The following COG5 variants were observed in gnomAD, a reference collection of about 807,000 sequenced individuals.
COG5 encodes conserved oligomeric Golgi complex subunit 5.
COG5 carries 86 observed loss-of-function variants against 110.4 expected under a neutral mutation model. That is an observed-to-expected ratio of 0.78 (90% CI 0.65 to 0.93). COG5 has a LOEUF of 0.93. Ranked by LOEUF, COG5 falls within the 40% of genes least tolerant of loss-of-function variation. The pLI, the probability that COG5 is intolerant of heterozygous loss-of-function variation, is 0.00. For missense variants in COG5, 1,077 were observed against 987.0 expected (o/e 1.09, Z -1.22); for synonymous variants, 360 against 334.6 (o/e 1.08, Z -0.83).
At chr7:107,342,760 T>C (rs564062808) in intron 10 of COG5, among the ~76,000 whole-genome samples, 51 of 152,286 alleles carry the variant, frequency 3.3e-4, no homozygotes, top group African/African-American at 1.2e-3. Flanking sequence ...TGTTTATACG[T>C]TGCTTCTGGC....
chr7:107,549,554 G>T (rs1477277490), intron 3 of COG5, among the ~76,000 whole-genome samples: 2 of 143,672 alleles, frequency 1.4e-5, no homozygotes, highest in African/African-American at 5.1e-5. Flanking sequence ...ACCACGCCCA[G>T]CTAATTTTTT....
At chr7:107,482,298 A>C (rs1797401570) in intron 6 of COG5, among the ~76,000 whole-genome samples, 1 of 151,704 alleles carries the variant, frequency 6.6e-6, no homozygotes, top group African/African-American at 2.4e-5. Context: ...AGGCACCACC[A>C]TACCCAGCTA....
intron 11 of COG5, among the ~76,000 whole-genome samples, chr7:107,323,634 A>C (rs1409688094): frequency 6.6e-6 from 1 of 152,068 alleles, no homozygotes; most frequent in Admixed American, 6.6e-5. Context: ...ATGAATGAAG[A>C]CCTCTTTGTG....
At chr7:107,540,019 G>A (rs1208230117) in intron 5 of COG5, among the ~76,000 whole-genome samples, 1 of 152,148 alleles carries the variant, frequency 6.6e-6, no homozygotes, top group African/African-American at 2.4e-5. Context: ...CTCTGAAGTT[G>A]GGAAGTAGAG....
intron 10 of COG5, among the ~76,000 whole-genome samples, chr7:107,361,297 C>A (rs1209507137): frequency 6.6e-6 from 1 of 152,082 alleles, no homozygotes; most frequent in Non-Finnish European, 1.5e-5. Flanking sequence ...ACAGAAAGAT[C>A]TCAGAATATG....
At chr7:107,356,300 C>G (rs1812619871) in intron 10 of COG5, among the ~76,000 whole-genome samples, 1 of 152,154 alleles carries the variant, frequency 6.6e-6, no homozygotes. Context: ...AATTTTCCTA[C>G]TTGATATGGA....
chr7:107,363,283 A>G (rs937145526), intron 8 of COG5, among the ~76,000 whole-genome samples: 3 of 152,242 alleles, frequency 2.0e-5, no homozygotes, highest in Non-Finnish European at 2.9e-5. Flanking sequence ...GAGTGATTTC[A>G]TATTTGGAGC....
intron 6 of COG5, among the ~76,000 whole-genome samples, chr7:107,506,244 G>A (rs115484533): frequency 6.6e-6 from 1 of 152,180 alleles, no homozygotes; most frequent in Admixed American, 6.5e-5. Context: ...GTGTGCAAAA[G>A]AGCACCAGCT....
intron 19 of COG5, among the ~76,000 whole-genome samples, chr7:107,212,656 T>A (rs774681953): frequency 3.9e-5 from 6 of 152,172 alleles, no homozygotes; most frequent in Non-Finnish European, 8.8e-5. Context: ...GTCAGCAAGA[T>A]GGTAGAAGAA....
chr7:107,342,086 C>T (rs1308041152), intron 10 of COG5, among the ~76,000 whole-genome samples: 1 of 152,122 alleles, frequency 6.6e-6, no homozygotes, highest in East Asian at 1.9e-4. Flanking sequence ...AGTAAACCAA[C>T]AACCCACACT....
At chr7:107,419,127 G>A (rs942405290) in intron 6 of COG5, among the ~76,000 whole-genome samples, 1 of 152,192 alleles carries the variant, frequency 6.6e-6, no homozygotes, top group Non-Finnish European at 1.5e-5. Flanking sequence ...CAGTTGCAGA[G>A]TGTTGCTAAT....
intron 10 of COG5, among the ~76,000 whole-genome samples, chr7:107,326,362 AT>A (rs755375288): frequency 1.0e-3 from 156 of 152,304 alleles, no homozygotes; most frequent in Non-Finnish European, 1.8e-3. Flanking sequence ...AAGAAGTAAA[AT>A]TATATCTGTT....
chr7:107,399,156 C>T (rs774015851), intron 7 of COG5, among the ~76,000 whole-genome samples: 6 of 151,932 alleles, frequency 3.9e-5, no homozygotes, highest in Non-Finnish European at 7.4e-5. Flanking sequence ...GAGTCGAGAT[C>T]GTGCCACTGC....
intron 17 of COG5, among the ~76,000 whole-genome samples, chr7:107,244,176 G>C (rs1008951954): frequency 3.3e-5 from 5 of 151,930 alleles, no homozygotes; most frequent in African/African-American, 1.2e-4. Context: ...CGCTTGAACC[G>C]AGGAGGTGGA....
chr7:107,497,691 G>C (rs1379892710), intron 6 of COG5, among the ~76,000 whole-genome samples: 1 of 151,950 alleles, frequency 6.6e-6, no homozygotes, highest in African/African-American at 2.4e-5. Flanking sequence ...TTAGACAACT[G>C]AATACTGTTA....
chr7:107,288,543 G>T (rs1805844714), intron 12 of COG5, among the ~76,000 whole-genome samples: 1 of 151,978 alleles, frequency 6.6e-6, no homozygotes, highest in African/African-American at 2.4e-5. Context: ...TTGTATTGTG[G>T]TTCTGATTTG....
At chr7:107,413,029 G>A (rs917345871) in intron 6 of COG5, among the ~76,000 whole-genome samples, 1 of 151,770 alleles carries the variant, frequency 6.6e-6, no homozygotes, top group African/African-American at 2.4e-5. Flanking sequence ...AGAGATGGGG[G>A]AAGTCTCAAT....
intron 6 of COG5, among the ~76,000 whole-genome samples, chr7:107,436,855 A>G (rs981359623): frequency 1.3e-5 from 2 of 152,246 alleles, no homozygotes; most frequent in African/African-American, 2.4e-5. Flanking sequence ...TTAAATAAAA[A>G]GTGTAGTATT....
chr7:107,473,724 C>T (rs1796790819), intron 6 of COG5, among the ~76,000 whole-genome samples: 1 of 151,902 alleles, frequency 6.6e-6, no homozygotes, highest in African/African-American at 2.4e-5. Context: ...GAAGTTTTAT[C>T]ATACAAAAAT....
Sources: gnomAD v4.1 joint callset for allele counts (sites outside exome capture counted in the v4.1 genomes callset) on GRCh38, gnomAD v4.1.1 for gene constraint, MANE v1.5 for transcripts, NCBI Gene and HGNC (gene_info 2026-07-23, HGNC 2026-07-21) for gene names.